The following MIER3 variants were observed in gnomAD, a reference collection of about 807,000 sequenced individuals.
MIER3 encodes mesoderm induction early response protein 3.
Under a neutral mutation model 63.2 loss-of-function variants are expected in MIER3, and 9 were observed. That is an observed-to-expected ratio of 0.14 (90% CI 0.09 to 0.25). The LOEUF is 0.25. Among genes scored for constraint, MIER3 ranks in the 10% least tolerant of loss-of-function variants. The probability of loss-of-function intolerance (pLI) is 1.00; values close to 1 mark genes in which losing one functional copy is unlikely to be tolerated. For missense variants in MIER3, 512 were observed against 666.2 expected, an observed-to-expected ratio of 0.77 and a Z score of 2.55; for synonymous variants, 205 against 224.9, an observed-to-expected ratio of 0.91 and a Z score of 0.79.
At chr5:56,935,017 A>G (rs1750391920) in intron 7 of MIER3, among the ~76,000 whole-genome samples, 1 of 152,196 alleles carries the variant, frequency 6.6e-6, no homozygotes, top group Admixed American at 6.5e-5. Context: ...GGGGCTGGGG[A>G]AGGAGAATTT....
intron 8 of MIER3, among the ~76,000 whole-genome samples, chr5:56,931,103 C>T (rs1183768597): frequency 1.3e-5 from 2 of 152,134 alleles, no homozygotes; most frequent in Non-Finnish European, 2.9e-5. Flanking sequence ...CAGTCTGTCC[C>T]TTGATGTCAT....
chr5:56,943,686 T>C lies in MIER3; in HGVS notation c.180+3240A>G, dbSNP rs574280741. On this transcript the variant is annotated intron_variant, in intron 3 of 12. Transcript: ENST00000381199. Reference sequence around the variant, plus strand: ...AGGTGAATCTAGTCTCTGAAGCACTTCACAAATGAACTCTCTTTGAGAGCC... The same window carrying C: ...AGGTGAATCTAGTCTCTGAAGCACTCCACAAATGAACTCTCTTTGAGAGCC... Among the ~76,000 whole-genome samples the C allele has an allele frequency of 2.6e-5, 4 of 152,314 alleles. No homozygotes were observed. The South Asian group carries it at 8.3e-4, about 32-fold the overall frequency.
At chr5:56,925,940 C>T (rs1313822939) in intron 10 of MIER3, among the ~76,000 whole-genome samples, 3 of 151,822 alleles carry the variant, frequency 2.0e-5, no homozygotes, top group Non-Finnish European at 4.4e-5. Flanking sequence ...AGAAATACAC[C>T]CCACGGGTAC....
intron 2 of MIER3, among the ~76,000 whole-genome samples, chr5:56,948,068 C>A (rs931242573): frequency 1.3e-5 from 2 of 152,198 alleles, no homozygotes; most frequent in East Asian, 3.9e-4. Context: ...TGGAAGCATA[C>A]TCAACATAAA....
In MIER3 at chr5:56,947,033, T is replaced by C; in HGVS notation, c.73A>G (p.Thr25Ala). Residue 25 changes from threonine (T) to alanine (A), a missense_variant, in exon 3 of 13, where the codon ACT becomes GCT. Thr to Ala is a moderately conservative substitution (Grantham distance 58). Around this residue, in one of 5 missense-constraint regions of MIER3, gnomAD observed 98 missense variants for 107.4 expected, o/e 0.91. Coordinates refer to ENST00000381199, the MANE Select transcript of MIER3 (RefSeq NM_001297599.2). ...TAGTCATGGACCAACATCTCAGCAGTGGGGTCAAAATCATGATCCTCAGAA... is the reference window on the plus strand; with the variant it reads ...TAGTCATGGACCAACATCTCAGCAGCGGGGTCAAAATCATGATCCTCAGAA... ...LSSEDHDFDP[T>A]AEMLVHDYDD... is the part of the protein sequence containing the mutation. The C allele has an allele frequency of 6.2e-7, 1 of 1,610,220 alleles. No homozygotes were observed. Among genetic ancestry groups the C allele is most frequent in the Non-Finnish European group, 8.5e-7 (1 of 1,178,768 alleles).
chr5:56,945,439 C>T (rs960051510), intron 3 of MIER3, among the ~76,000 whole-genome samples: 7 of 151,914 alleles, frequency 4.6e-5, no homozygotes, highest in South Asian at 2.1e-4. Context: ...CTCCAGCCTG[C>T]GCAATGGAGC....
In MIER3 at chr5:56,935,312, G is replaced by C. The variant is rs905281435; in HGVS notation, c.595+116C>G. The C allele has an allele frequency of 1.4e-5, 11 of 782,988 alleles. No homozygotes were observed. The African/African-American group carries it at 1.6e-4, about 11-fold the overall frequency. The allele number at this position is 782,988 out of a possible 1,614,324, so 48.5% of individuals were successfully genotyped here. A position where few individuals can be genotyped will look rare whatever the true frequency, so the allele number is the denominator to read the frequency against. ...AGGCCTAAAAATCCTAACTCTGCATGTTTCCCAAATCTATCTATCTATTGC... is the reference window on the plus strand; with the variant it reads ...AGGCCTAAAAATCCTAACTCTGCATCTTTCCCAAATCTATCTATCTATTGC... On this transcript the variant is annotated intron_variant, in intron 7 of 12. Transcript: ENST00000381199.
intron 3 of MIER3, among the ~76,000 whole-genome samples, chr5:56,942,000 G>T (rs57220959): frequency 0.014 from 2,164 of 151,974 alleles, 44 homozygotes; most frequent in African/African-American, 0.04. Flanking sequence ...AATACTAAAG[G>T]AATAAAAGGT....
At chr5:56,950,019 G>A (rs562280719) in intron 2 of MIER3, among the ~76,000 whole-genome samples, 35 of 152,284 alleles carry the variant, frequency 2.3e-4, no homozygotes, top group South Asian at 2.1e-3. Context: ...GATCCTGACA[G>A]GGGTTTCTGA....
chr5:56,940,160 T>C (rs1750593279), intron 3 of MIER3, among the ~76,000 whole-genome samples: 1 of 152,156 alleles, frequency 6.6e-6, no homozygotes. Flanking sequence ...TGAAACCCCG[T>C]CTCTACTAAA....
intron 5 of MIER3, 66 bp downstream of exon 5, chr5:56,937,512 C>T (rs1009095781): frequency 3.5e-6 from 5 of 1,417,550 alleles, no homozygotes; most frequent in Non-Finnish European, 3.8e-6. Flanking sequence ...TTACTGAACA[C>T]AATAAAATGT....
intron 2 of MIER3, among the ~76,000 whole-genome samples, chr5:56,947,866 C>T (rs1750879517): frequency 6.6e-6 from 1 of 152,074 alleles, no homozygotes; most frequent in Admixed American, 6.6e-5. Flanking sequence ...AATATGAAGT[C>T]AATAGGAAAC....
At chr5:56,946,641 G>A (rs1750831102) in intron 3 of MIER3, among the ~76,000 whole-genome samples, 1 of 152,036 alleles carries the variant, frequency 6.6e-6, no homozygotes, top group Non-Finnish European at 1.5e-5. Flanking sequence ...CTAGGATTCA[G>A]AAATAATCTT....
intron 1 of MIER3, 106 bp downstream of exon 1, chr5:56,951,987 TG>T: frequency 3.2e-6 from 3 of 940,918 alleles, no homozygotes; most frequent in Non-Finnish European, 2.7e-6. Context: ...CCGCCCCTCA[TG>T]GGGCAGCGGA....
At chr5:56,940,301 T>C (rs6894127) in intron 3 of MIER3, among the ~76,000 whole-genome samples, 3,325 of 152,368 alleles carry the variant, frequency 0.022, 133 homozygotes, top group African/African-American at 0.076. Flanking sequence ...AATTTGCTTA[T>C]GGTTTAGTTT....
chr5:56,933,466 C>A, intron 7 of MIER3, 68 bp from the exon 8 acceptor site: 1 of 1,380,202 alleles, frequency 7.2e-7, no homozygotes, highest in Non-Finnish European at 9.7e-7. Context: ...ACAAACAATT[C>A]TTTGTCTTCC....
rs549393306 is a variant in MIER3 at position 56,938,104 on chromosome 5, A to G, written c.316-406T>C. 1.9e-4 allele frequency among the ~76,000 whole-genome samples: 29 copies of G among 152,344 alleles called. No individual in the cohort carries two copies. In the South Asian group the frequency reaches 6.0e-3, roughly 32 times the overall value. ...CTTCCAATAATTTAAAAGTCCGACT[A>G]ATGAACAGCACTGACTACTGACATA... is the stretch of plus-strand genomic sequence containing the variant. On this transcript the variant is annotated intron_variant, in intron 4 of 12. Transcript: ENST00000381199.
intron 2 of MIER3, among the ~76,000 whole-genome samples, chr5:56,947,962 T>C (rs986955991): frequency 6.6e-6 from 1 of 152,170 alleles, no homozygotes; most frequent in African/African-American, 2.4e-5. Context: ...TTTTCTCCAC[T>C]TGTTTTACTC....
intron 7 of MIER3, among the ~76,000 whole-genome samples, 185 bp downstream of exon 7, chr5:56,935,243 A>C (rs1166416727): frequency 6.6e-6 from 1 of 152,108 alleles, no homozygotes; most frequent in Non-Finnish European, 1.5e-5. Context: ...GGTGGGGGGA[A>C]ACTCTGAGTC....
Sources: allele counts gnomAD v4.1 joint callset (sites outside exome capture counted in the v4.1 genomes callset), GRCh38; gene constraint gnomAD v4.1.1; regional missense constraint gnomAD v4.1.1; transcripts MANE v1.5; gene names NCBI Gene and HGNC (gene_info 2026-07-23, HGNC 2026-07-21).